Variants in NRG3 observed in about 807,000 individuals in gnomAD.
The protein encoded by NRG3 is neuregulin 3, also known as pro-neuregulin-3, membrane-bound isoform.
Under a neutral mutation model 66.9 loss-of-function variants are expected in NRG3, and 31 were observed. The ratio of observed to expected loss-of-function variants is 0.46; its 90% confidence interval spans 0.35 to 0.63. NRG3 has a LOEUF of 0.63. Ranked by LOEUF, NRG3 falls within the 20% of genes least tolerant of loss-of-function variation. NRG3 has a pLI of 0.00. For missense variants in NRG3, 910 were observed against 878.9 expected, an observed-to-expected ratio of 1.04 and a Z score of -0.45; for synonymous variants, 393 against 359.4, an observed-to-expected ratio of 1.09 and a Z score of -1.06.
At chr10:82,485,720 C>T (rs1438332188) in intron 2 of NRG3, among the ~76,000 whole-genome samples, 2 of 151,800 alleles carry the variant, frequency 1.3e-5, no homozygotes, top group African/African-American at 2.4e-5. Flanking sequence ...TATACAAATA[C>T]ATTTATAGAT....
At chr10:82,711,924 A>C (rs1407665546) in intron 2 of NRG3, among the ~76,000 whole-genome samples, 1 of 152,228 alleles carries the variant, frequency 6.6e-6, no homozygotes, top group African/African-American at 2.4e-5. Context: ...ACACATGGAA[A>C]TTGCATTTAA....
At chr10:82,876,978 G>A (rs1255572003) in intron 4 of NRG3, among the ~76,000 whole-genome samples, 4 of 150,316 alleles carry the variant, frequency 2.7e-5, no homozygotes, top group African/African-American at 9.8e-5. Flanking sequence ...AGCCAAGATT[G>A]TGCCACTGCA....
chr10:82,778,176 G>C (rs1435615844), intron 3 of NRG3, among the ~76,000 whole-genome samples: 1 of 152,090 alleles, frequency 6.6e-6, no homozygotes, highest in Non-Finnish European at 1.5e-5. Context: ...TGCTGGGTGG[G>C]AGCACATGAT....
rs182730838 is a variant in NRG3 at position 82,257,440 on chromosome 10, A to T, written c.824-101299A>T. 8.5e-5 allele frequency among the ~76,000 whole-genome samples: 13 copies of T among 152,198 alleles called. No individual in the cohort carries two copies. The East Asian group carries it at 2.5e-3, about 29-fold the overall frequency. On this transcript the variant is annotated intron_variant, in intron 1 of 8. Coordinates refer to ENST00000372141, the MANE Select transcript of NRG3 (RefSeq NM_001010848.4). ...AATTTTAAGGTCTTTTGTAGGAGTGATTAGCAAACATTTATAAATACAAAA... is the reference window on the plus strand; with the variant it reads ...AATTTTAAGGTCTTTTGTAGGAGTGTTTAGCAAACATTTATAAATACAAAA...
rs11192632 is a variant in NRG3 at position 82,128,127 on chromosome 10, G to A, written c.824-230612G>A. 7.5e-3 allele frequency among the ~76,000 whole-genome samples: 1,133 copies of A among 151,940 alleles called. 12 individuals carry two copies. Among genetic ancestry groups the A allele is most frequent in the African/African-American group, 0.026 (1,075 of 41,456 alleles). ...GTCATTGGCCTTCCTTCTACCCGTC[G>A]TGATTCCAATGGAAGATAAAATGTG... On this transcript the variant is annotated intron_variant, in intron 1 of 8. Transcript: ENST00000372141.
chr10:82,956,770 A>G (rs578203136), intron 5 of NRG3, among the ~76,000 whole-genome samples: 6 of 151,972 alleles, frequency 3.9e-5, no homozygotes, highest in African/African-American at 1.5e-4. Flanking sequence ...GTGTGTGCGA[A>G]TGAACCCCTG....
At chr10:82,335,065 C>T (rs1360310444) in intron 1 of NRG3, among the ~76,000 whole-genome samples, 1 of 152,110 alleles carries the variant, frequency 6.6e-6, no homozygotes, top group Non-Finnish European at 1.5e-5. Flanking sequence ...AGTTTTATGC[C>T]AACAATCAGC....
chr10:82,862,344 G>A (rs1228226264), intron 3 of NRG3, among the ~76,000 whole-genome samples: 1 of 152,168 alleles, frequency 6.6e-6, no homozygotes, highest in African/African-American at 2.4e-5. Context: ...GAGGGGCAGA[G>A]ACTCCTCCAG....
At chr10:82,259,010 A>T (rs2077881415) in intron 1 of NRG3, among the ~76,000 whole-genome samples, 1 of 152,126 alleles carries the variant, frequency 6.6e-6, no homozygotes, top group South Asian at 2.1e-4. Flanking sequence ...ACTAATTGTG[A>T]AATGGAAGAT....
At position 82,265,864 on chromosome 10, in the gene NRG3, C is replaced by T. The variant is rs2078269736; in HGVS notation, c.824-92875C>T. ...ATGAAGAAGAAAAGAAGGAAAATGT[C>T]TTGGAAGTAACAATTCGGAGCATGA... is the stretch of plus-strand genomic sequence containing the variant. On this transcript the variant is annotated intron_variant, in intron 1 of 8. Transcript: ENST00000372141. Among the ~76,000 whole-genome samples the T allele has an allele frequency of 2.0e-5, 3 of 152,138 alleles. 1 individual carries two copies.
At chr10:82,899,764 A>G (rs377059103) in intron 4 of NRG3, among the ~76,000 whole-genome samples, 14 of 152,226 alleles carry the variant, frequency 9.2e-5, no homozygotes, top group East Asian at 5.8e-4. Flanking sequence ...GTACCCTTAA[A>G]AATTTAAATC....
chr10:82,699,628 G>A (rs1247647823), intron 2 of NRG3, among the ~76,000 whole-genome samples: 3 of 151,872 alleles, frequency 2.0e-5, no homozygotes, highest in Non-Finnish European at 4.4e-5. Flanking sequence ...TAATGGCTCT[G>A]AGCAGATGCG....
intron 2 of NRG3, among the ~76,000 whole-genome samples, chr10:82,575,116 T>C (rs921927074): frequency 1.3e-5 from 2 of 151,778 alleles, no homozygotes; most frequent in African/African-American, 4.8e-5. Flanking sequence ...ATACATATGT[T>C]AATTAGCTCC....
At chr10:82,611,317 T>G (rs915327028) in intron 2 of NRG3, among the ~76,000 whole-genome samples, 13 of 152,100 alleles carry the variant, frequency 8.5e-5, no homozygotes, top group South Asian at 6.2e-4. Flanking sequence ...GTGCACAACA[T>G]GCAGGTTTGT....
chr10:82,491,328 C>CATATATATATATATATATATATACATAT (rs1250553652), intron 2 of NRG3, among the ~76,000 whole-genome samples: 1 of 41,534 alleles, frequency 2.4e-5, no homozygotes, highest in Non-Finnish European at 8.1e-5. Flanking sequence ...AATAAAGATG[C>CATATATATATATATATATATATACATAT]ATCGCTTTCT....
intron 1 of NRG3, among the ~76,000 whole-genome samples, chr10:82,258,862 A>G (rs1284800379): frequency 6.6e-6 from 1 of 152,190 alleles, no homozygotes; most frequent in Non-Finnish European, 1.5e-5. Context: ...TTTCACATCA[A>G]CCATAACATA....
At chr10:82,439,577 T>A (rs2090326204) in intron 2 of NRG3, among the ~76,000 whole-genome samples, 1 of 152,094 alleles carries the variant, frequency 6.6e-6, no homozygotes, top group Non-Finnish European at 1.5e-5. Context: ...TTTACTTTTA[T>A]GTTTCTTATG....
Position 81,899,740 on chromosome 10 carries a change from A to G in NRG3, c.823+23577A>G, listed in dbSNP as rs544237146. Among the ~76,000 whole-genome samples the G allele has an allele frequency of 1.2e-3, 179 of 152,076 alleles. 1 individual carries two copies. Among genetic ancestry groups the G allele is most frequent in the Middle Eastern group, 0.01 (3 of 294 alleles). On this transcript the variant is annotated intron_variant, in intron 1 of 8. Transcript: ENST00000372141. ...CCCTGTTGACTCCGTGGAGCTGCCA[A>G]AGCAACTGGAGGCTGTCCACCTTTA...
chr10:82,898,931 C>T (rs1390761613), intron 4 of NRG3, among the ~76,000 whole-genome samples: 1 of 151,858 alleles, frequency 6.6e-6, no homozygotes, highest in African/African-American at 2.4e-5. Context: ...CAGAGGGTCT[C>T]AATCTCCTGA....
Sources: allele counts gnomAD v4.1 joint callset (sites outside exome capture counted in the v4.1 genomes callset), GRCh38; gene constraint gnomAD v4.1.1; transcripts MANE v1.5; gene names NCBI Gene and HGNC (gene_info 2026-07-23, HGNC 2026-07-21).